Variants in SRPK2 observed in about 807,000 individuals in gnomAD.
SRPK2 encodes SFRS protein kinase 2.
A neutral mutation model predicts 90.8 loss-of-function variants in SRPK2; 21 were observed. That is an observed-to-expected ratio of 0.23 (90% CI 0.16 to 0.33). The LOEUF is 0.33. Among genes scored for constraint, SRPK2 ranks in the 10% least tolerant of loss-of-function variants. The pLI, the probability that SRPK2 is intolerant of heterozygous loss-of-function variation, is 1.00. For synonymous variants in SRPK2, 288 were observed against 311.1 expected (o/e 0.93, Z 0.78); for missense variants, 620 against 869.0 (o/e 0.71, Z 3.60).
intron 2 of SRPK2, among the ~76,000 whole-genome samples, chr7:105,227,655 T>C (rs932451847): frequency 3.3e-5 from 5 of 152,202 alleles, no homozygotes; most frequent in African/African-American, 1.2e-4. Flanking sequence ...TGCTGTTTTG[T>C]AAAACATTCT....
intron 2 of SRPK2, among the ~76,000 whole-genome samples, chr7:105,263,715 G>A (rs866412877): frequency 6.6e-6 from 1 of 151,774 alleles, no homozygotes; most frequent in Non-Finnish European, 1.5e-5. Context: ...CCCTAGGCTT[G>A]GCAAAGATTT....
chr7:105,341,357 CAAAAAAAAAAAA>C (rs746893526), intron 2 of SRPK2, among the ~76,000 whole-genome samples: 6 of 66,766 alleles, frequency 9.0e-5, no homozygotes, highest in Non-Finnish European at 8.3e-5. Context: ...GACTCCGTCT[CAAAAAAAAAAAA>C]AAAAAAAAAA....
At chr7:105,194,004 G>T (rs551359858) in intron 3 of SRPK2, among the ~76,000 whole-genome samples, 14 of 152,244 alleles carry the variant, frequency 9.2e-5, no homozygotes, top group African/African-American at 3.4e-4. Flanking sequence ...TTCTTTGTCA[G>T]GTAAATGTAT....
Position 105,161,945 on chromosome 7 carries a change from A to G in SRPK2, c.515-1332T>C, listed in dbSNP as rs182049259. On this transcript the variant is annotated intron_variant, in intron 6 of 15. Transcript: ENST00000393651. Reference sequence around the variant, plus strand: ...CTTTTCTTAAAAAAGACAGGGTCTCACTACGCTGTGCCAGGTGGACTAGAA... The same window carrying G: ...CTTTTCTTAAAAAAGACAGGGTCTCGCTACGCTGTGCCAGGTGGACTAGAA... 5.3e-5 allele frequency among the ~76,000 whole-genome samples: 8 copies of G among 152,214 alleles called. No homozygotes were observed. The East Asian group carries it at 1.5e-3, about 29-fold the overall frequency.
At chr7:105,365,392 A>G (rs1402666536) in intron 2 of SRPK2, among the ~76,000 whole-genome samples, 3 of 150,584 alleles carry the variant, frequency 2.0e-5, no homozygotes, top group South Asian at 2.1e-4. Context: ...AGGCTGAGGC[A>G]GGAGAATCGC....
chr7:105,295,221 A>G (rs1261080283), intron 2 of SRPK2, among the ~76,000 whole-genome samples: 1 of 151,940 alleles, frequency 6.6e-6, no homozygotes, highest in Non-Finnish European at 1.5e-5. Flanking sequence ...AAAAAAAAAA[A>G]AAATTGAATG....
chr7:105,200,804 C>G (rs1698665865), intron 3 of SRPK2, among the ~76,000 whole-genome samples: 1 of 152,170 alleles, frequency 6.6e-6, no homozygotes, highest in South Asian at 2.1e-4. Flanking sequence ...CAGGAAAACA[C>G]TGAGAACTGT....
intron 2 of SRPK2, chr7:105,244,583 A>G (rs1326753904): frequency 9.7e-6 from 6 of 621,108 alleles, no homozygotes; most frequent in Non-Finnish European, 1.7e-5. Context: ...CAACAACAAT[A>G]AAAAAATCCC....
intron 3 of SRPK2, among the ~76,000 whole-genome samples, chr7:105,176,945 T>C (rs1157049757): frequency 6.6e-6 from 1 of 152,148 alleles, no homozygotes; most frequent in Non-Finnish European, 1.5e-5. Flanking sequence ...TAGTCATATA[T>C]TTTCTTGAGT....
intron 7 of SRPK2, among the ~76,000 whole-genome samples, chr7:105,151,956 G>A (rs752825341): frequency 2.6e-5 from 4 of 151,280 alleles, no homozygotes; most frequent in Non-Finnish European, 4.4e-5. Context: ...CCCAGAAAGC[G>A]GTGGTTGCAG....
chr7:105,142,963 G>A (rs1181279471), intron 10 of SRPK2, 121 bp downstream of exon 10: 70 of 1,316,336 alleles, frequency 5.3e-5, no homozygotes, highest in Non-Finnish European at 7.0e-5. Flanking sequence ...ATAGGGAGTT[G>A]GAGAGAATCA....
chr7:105,255,913 G>C (rs1433440935), intron 2 of SRPK2, among the ~76,000 whole-genome samples: 2 of 144,704 alleles, frequency 1.4e-5, no homozygotes, highest in Admixed American at 1.4e-4. Context: ...GATAGTGTGA[G>C]TCCATCTCAA....
intron 2 of SRPK2, among the ~76,000 whole-genome samples, chr7:105,368,165 C>G (rs1342591458): frequency 6.6e-6 from 1 of 152,118 alleles, no homozygotes; most frequent in Non-Finnish European, 1.5e-5. Context: ...TTAAAGACAA[C>G]CTTGTAGCTA....
intron 2 of SRPK2, among the ~76,000 whole-genome samples, chr7:105,350,772 A>C (rs1018533241): frequency 2.6e-5 from 4 of 152,040 alleles, no homozygotes; most frequent in African/African-American, 9.7e-5. Flanking sequence ...TTGGCCTCCC[A>C]AAGTGCTATA....
chr7:105,277,560 C>G (rs1806689518), intron 2 of SRPK2, among the ~76,000 whole-genome samples: 1 of 152,190 alleles, frequency 6.6e-6, no homozygotes, highest in Admixed American at 6.5e-5. Context: ...TCTGCGTAAT[C>G]TAGGAGGGTG....
chr7:105,301,993 C>T, intron 2 of SRPK2: 3 of 1,601,460 alleles, frequency 1.9e-6, no homozygotes, highest in Non-Finnish European at 2.6e-6. Flanking sequence ...AGCTGGCAGA[C>T]AAAACAGATC....
intron 7 of SRPK2, among the ~76,000 whole-genome samples, chr7:105,152,041 A>T (rs1805765648): frequency 6.6e-6 from 1 of 151,856 alleles, no homozygotes; most frequent in East Asian, 1.9e-4. Flanking sequence ...AAAAAAAAAA[A>T]ATTATCTGGG....
chr7:105,360,229 T>TTTGG (rs1315669443), intron 2 of SRPK2, among the ~76,000 whole-genome samples: 1 of 143,000 alleles, frequency 7.0e-6, no homozygotes, highest in Non-Finnish European at 1.6e-5. Flanking sequence ...TTTCCATTTG[T>TTTGG]TTGGTACATC....
chr7:105,233,094 AGG>A (rs1491464043), intron 2 of SRPK2, among the ~76,000 whole-genome samples: 1 of 49,280 alleles, frequency 2.0e-5, no homozygotes, highest in African/African-American at 8.1e-5. Context: ...GAAGGAAAGA[AGG>A]AAGGAAGGAA....
Sources: allele counts gnomAD v4.1 joint callset (sites outside exome capture counted in the v4.1 genomes callset), GRCh38; gene constraint gnomAD v4.1.1; transcripts MANE v1.5; gene names NCBI Gene and HGNC (gene_info 2026-07-23, HGNC 2026-07-21).